The following CHN2 variants were observed in gnomAD, a reference collection of about 807,000 sequenced individuals.
CHN2 encodes beta-chimaerin.
Under a neutral mutation model 56.3 loss-of-function variants are expected in CHN2, and 35 were observed. That is an observed-to-expected ratio of 0.62 (90% CI 0.47 to 0.82). CHN2 has a LOEUF of 0.82. Ranked by LOEUF, CHN2 falls within the 40% of genes least tolerant of loss-of-function variation. The probability of loss-of-function intolerance (pLI) is 0.00; values close to 1 mark genes in which losing one functional copy is unlikely to be tolerated. For synonymous variants in CHN2, 210 were observed against 212.8 expected (o/e 0.99, Z 0.12); for missense variants, 491 against 580.5 (o/e 0.85, Z 1.58).
intron 1 of CHN2, among the ~76,000 whole-genome samples, chr7:29,301,019 A>G (rs1481579120): frequency 6.6e-6 from 1 of 152,228 alleles, no homozygotes; most frequent in Non-Finnish European, 1.5e-5. Flanking sequence ...AATTTTGAGA[A>G]TTAAAGCTGT....
chr7:29,195,629 A>AGAGAGAGAGAGAGAGAGAGAGAGT (rs869037854), intron 1 of CHN2, among the ~76,000 whole-genome samples: 7 of 117,568 alleles, frequency 6.0e-5, no homozygotes, highest in East Asian at 7.6e-4. Flanking sequence ...AGAGAGAGAG[A>AGAGAGAGAGAGAGAGAGAGAGAGT]GTGTGTGTGT....
chr7:29,288,085 ATATAT>A (rs1303535680), intron 1 of CHN2, among the ~76,000 whole-genome samples: 1 of 152,204 alleles, frequency 6.6e-6, no homozygotes. Flanking sequence ...ATTAAAATAA[ATATAT>A]TAGTATATTA....
At chr7:29,261,698 A>T (rs1429166467) in intron 1 of CHN2, among the ~76,000 whole-genome samples, 1 of 152,220 alleles carries the variant, frequency 6.6e-6, no homozygotes, top group Non-Finnish European at 1.5e-5. Context: ...TACTGAAATT[A>T]CTTCAAATAA....
At chr7:29,439,768 T>C (rs903005003) in intron 6 of CHN2, among the ~76,000 whole-genome samples, 1 of 152,236 alleles carries the variant, frequency 6.6e-6, no homozygotes, top group Non-Finnish European at 1.5e-5. Context: ...GACCTAAGTA[T>C]AATGTAAAAC....
chr7:29,459,092 G>A (rs3828981), intron 6 of CHN2, among the ~76,000 whole-genome samples: 57,838 of 151,980 alleles, frequency 0.38, 11,508 homozygotes, highest in East Asian at 0.56. Flanking sequence ...AGATTTTCTC[G>A]GGAATCCTTT....
chr7:29,364,727 C>G (rs1799012212), intron 2 of CHN2, among the ~76,000 whole-genome samples: 1 of 152,212 alleles, frequency 6.6e-6, no homozygotes, highest in Non-Finnish European at 1.5e-5. Context: ...GAAGCCTTCT[C>G]TGACTTTATC....
intron 7 of CHN2, among the ~76,000 whole-genome samples, chr7:29,491,592 A>C (rs1212391065): frequency 2.0e-5 from 3 of 152,112 alleles, no homozygotes; most frequent in Non-Finnish European, 4.4e-5. Flanking sequence ...AACTCTTTTT[A>C]GAGATGGAGT....
intron 6 of CHN2, among the ~76,000 whole-genome samples, chr7:29,473,471 T>TG (rs1491098162): frequency 0.14 from 7,346 of 54,124 alleles, 257 homozygotes; most frequent in East Asian, 0.33. Flanking sequence ...TGTGTTTGTG[T>TG]TTTTTTTTTT....
intron 1 of CHN2, among the ~76,000 whole-genome samples, chr7:29,240,815 C>T (rs1444696993): frequency 7.7e-6 from 1 of 130,550 alleles, no homozygotes; most frequent in Non-Finnish European, 1.7e-5. Flanking sequence ...TCTTCTTCTT[C>T]TTCGTCGTCG....
chr7:29,282,692 C>G (rs565068000), intron 1 of CHN2, among the ~76,000 whole-genome samples: 4 of 152,072 alleles, frequency 2.6e-5, no homozygotes, highest in African/African-American at 9.6e-5. Flanking sequence ...AATTTGATAC[C>G]TTTAATCATC....
intron 2 of CHN2, among the ~76,000 whole-genome samples, chr7:29,361,496 T>C (rs1798728802): frequency 6.6e-6 from 1 of 152,160 alleles, no homozygotes; most frequent in Non-Finnish European, 1.5e-5. Context: ...GACCTGCTCA[T>C]TGAGAAATAA....
At chr7:29,205,137 T>C (rs1051170832) in intron 1 of CHN2, among the ~76,000 whole-genome samples, 7 of 152,242 alleles carry the variant, frequency 4.6e-5, no homozygotes, top group Non-Finnish European at 8.8e-5. Context: ...CAGGAGTTAA[T>C]GTAAACATGT....
chr7:29,237,396 G>A (rs763245963), intron 1 of CHN2, among the ~76,000 whole-genome samples: 3 of 152,102 alleles, frequency 2.0e-5, no homozygotes, highest in Non-Finnish European at 2.9e-5. Flanking sequence ...GCTTCAAACC[G>A]CATATTTTTG....
At chr7:29,245,562 C>T (rs755758269) in intron 1 of CHN2, among the ~76,000 whole-genome samples, 9 of 152,296 alleles carry the variant, frequency 5.9e-5, no homozygotes, top group Middle Eastern at 6.8e-3. Context: ...ACACCCTTTA[C>T]GTGCATTATG....
intron 9 of CHN2, among the ~76,000 whole-genome samples, chr7:29,503,147 C>T (rs989522891): frequency 3.3e-5 from 5 of 152,018 alleles, no homozygotes; most frequent in Non-Finnish European, 7.4e-5. Context: ...CGGAGGTCTC[C>T]AAAGAAATAA....
At chr7:29,260,139 G>A (rs377279784) in intron 1 of CHN2, among the ~76,000 whole-genome samples, 8 of 151,902 alleles carry the variant, frequency 5.3e-5, no homozygotes, top group Non-Finnish European at 8.8e-5. Flanking sequence ...CATCATGCCC[G>A]GCTAATTTTT....
At chr7:29,159,547 T>C (rs2128707146) in intron 2 of CHN2, among the ~76,000 whole-genome samples, 2 of 152,322 alleles carry the variant, frequency 1.3e-5, no homozygotes, top group Middle Eastern at 6.8e-3. Context: ...AGTTCTCCTA[T>C]GTAGAGTGAT....
intron 6 of CHN2, among the ~76,000 whole-genome samples, chr7:29,402,726 CT>C: frequency 6.6e-6 from 1 of 152,148 alleles, no homozygotes; most frequent in East Asian, 1.9e-4. Flanking sequence ...TTAGGGCCGA[CT>C]TGAGATCCTG....
chr7:29,261,554 A>G (rs1260267483), intron 1 of CHN2, among the ~76,000 whole-genome samples: 1 of 152,178 alleles, frequency 6.6e-6, no homozygotes, highest in Non-Finnish European at 1.5e-5. Flanking sequence ...ACAATAATTT[A>G]TTTTCTCTTG....
Sources: allele counts gnomAD v4.1 joint callset (sites outside exome capture counted in the v4.1 genomes callset), GRCh38; gene constraint gnomAD v4.1.1; transcripts MANE v1.5; gene names NCBI Gene and HGNC (gene_info 2026-07-23, HGNC 2026-07-21).